Variants in SETD3 observed in about 807,000 individuals in gnomAD.
SETD3 encodes the protein actin-histidine N-methyltransferase.
SETD3 carries 19 observed loss-of-function variants against 63.0 expected under a neutral mutation model. The observed-to-expected ratio is 0.30, with a 90% CI of 0.21 to 0.44. The LOEUF (loss-of-function observed/expected upper bound fraction) is 0.44. SETD3 is among the 20% of genes least tolerant of loss of function. SETD3 has a pLI of 1.00. For missense variants in SETD3, 587 were observed against 728.5 expected (o/e 0.81, Z 2.24); for synonymous variants, 286 against 264.1 (o/e 1.08, Z -0.80).
Position 99,398,769 on chromosome 14 carries a change from G to A in SETD3, c.1695C>T (p.Ser565=), listed in dbSNP as rs866522970. The A allele has an allele frequency of 9.9e-6, 16 of 1,613,964 alleles. No individual in the cohort carries two copies. The highest frequency in any genetic ancestry group is 5.3e-5 in the African/African-American group (4 of 74,878). Reference sequence around the variant, plus strand: ...TTTCTTGATTGAGACTTTCATTTTCGGACCTGGTCCCATTAGGGATAGAGT... The same window carrying A: ...TTTCTTGATTGAGACTTTCATTTTCAGACCTGGTCCCATTAGGGATAGAGT... ...GENSIPNGTR[S]ENESLNQESK... The change falls in exon 13 of 13, where the codon TCC becomes TCT. Residue 565 remains serine (S), a synonymous_variant. Coordinates refer to ENST00000331768, the MANE Select transcript of SETD3 (RefSeq NM_032233.3).
At chr14:99,431,857 GC>G (rs1673767977) in intron 6 of SETD3, among the ~76,000 whole-genome samples, 1 of 152,100 alleles carries the variant, frequency 6.6e-6, no homozygotes, top group Non-Finnish European at 1.5e-5. Flanking sequence ...CAAAGCAACT[GC>G]CATCCCACAA....
At chr14:99,444,456 T>A (rs1197526133) in intron 6 of SETD3, 1 of 152,146 alleles carries the variant, frequency 6.6e-6, no homozygotes, top group Admixed American at 6.5e-5. Flanking sequence ...ATTAACACAT[T>A]TCATAGTTTC....
chr14:99,398,946 G>C lies in SETD3; in HGVS notation c.1518C>G (p.Asn506Lys). ...CCACGCTGCTCTCCAACAGCCCAAG[G>C]TTACTCTCTTCATATTTGGGAAGCG... ...KAPLPKYEES[N>K]LGLLESSVGD... Residue 506 changes from asparagine (N) to lysine (K), a missense_variant, in exon 13 of 13, where the codon AAC becomes AAG. Transcript: ENST00000331768. 1 of 1,614,022 alleles carries C rather than the reference G, an allele frequency of 6.2e-7. No homozygotes were observed. The highest frequency in any genetic ancestry group is 8.5e-7 in the Non-Finnish European group (1 of 1,179,938).
chr14:99,453,620 T>C (rs890408768), intron 6 of SETD3, among the ~76,000 whole-genome samples: 2 of 151,954 alleles, frequency 1.3e-5, no homozygotes, highest in African/African-American at 4.8e-5. Context: ...AGATCAGGAG[T>C]TCGAGACTAG....
Position 99,398,411 on chromosome 14 carries a change from T to A in SETD3, c.*268A>T, listed in dbSNP as rs529297352. The A allele has an allele frequency of 2.3e-6, 1 of 427,978 alleles. No individual in the cohort carries two copies. Among genetic ancestry groups the A allele is most frequent in the Non-Finnish European group, 4.2e-6 (1 of 238,868 alleles). 26.5% of individuals were successfully genotyped at this position (427,978 alleles called of 1,614,324 possible). On this transcript the variant is annotated 3_prime_UTR_variant, in exon 13 of 13. Transcript: ENST00000331768. ...AGAAAATACCTATACCCACAATAGG[T>A]CTGCAAAATCTCCCACAGGCACCTC...
At chr14:99,434,356 A>G (rs1893350406) in intron 6 of SETD3, among the ~76,000 whole-genome samples, 1 of 152,194 alleles carries the variant, frequency 6.6e-6, no homozygotes, top group Admixed American at 6.5e-5. Context: ...AAGCACCCAA[A>G]GGCCTTAGAA....
At chr14:99,478,285 A>C (rs1256127296) in intron 1 of SETD3, among the ~76,000 whole-genome samples, 1 of 152,254 alleles carries the variant, frequency 6.6e-6, no homozygotes, top group African/African-American at 2.4e-5. Context: ...TTGAGGGAAC[A>C]AAGTCACCAC....
intron 6 of SETD3, among the ~76,000 whole-genome samples, chr14:99,417,090 T>TA (rs1278643360): frequency 6.6e-6 from 1 of 152,254 alleles, no homozygotes; most frequent in East Asian, 1.9e-4. Flanking sequence ...GTCTGGTAGC[T>TA]ATGCTTAAGG....
chr14:99,402,650 T>G (rs1595140154), intron 11 of SETD3, among the ~76,000 whole-genome samples: 1 of 152,044 alleles, frequency 6.6e-6, no homozygotes, highest in South Asian at 2.1e-4. Flanking sequence ...GGGGTTGGCT[T>G]ACTGTAGCCT....
intron 6 of SETD3, among the ~76,000 whole-genome samples, chr14:99,447,949 G>A (rs1894229924): frequency 1.3e-5 from 2 of 152,216 alleles, no homozygotes; most frequent in African/African-American, 2.4e-5. Flanking sequence ...TCCTCAGTCA[G>A]CAGGGCCACA....
chr14:99,449,666 G>T (rs1006125485), intron 6 of SETD3, among the ~76,000 whole-genome samples: 1 of 152,168 alleles, frequency 6.6e-6, no homozygotes, highest in African/African-American at 2.4e-5. Context: ...CGGGATTCTG[G>T]AAGGGAAAAA....
chr14:99,481,831 C>T (rs1450148144), upstream of SETD3, among the ~76,000 whole-genome samples: 2 of 152,386 alleles, frequency 1.3e-5, no homozygotes, highest in African/African-American at 4.8e-5. Flanking sequence ...CTTCTCATAT[C>T]TCCCCGATTA....
chr14:99,434,196 T>C (rs1486708196), intron 6 of SETD3, among the ~76,000 whole-genome samples: 1 of 152,144 alleles, frequency 6.6e-6, no homozygotes, highest in East Asian at 1.9e-4. Flanking sequence ...GGTACATTCA[T>C]ACAGTGAGAA....
intron 6 of SETD3, among the ~76,000 whole-genome samples, chr14:99,447,787 C>G (rs1372679776): frequency 2.6e-5 from 4 of 152,178 alleles, no homozygotes; most frequent in Non-Finnish European, 5.9e-5. Context: ...TTCCTCATAG[C>G]TTGGGGGAAA....
At chr14:99,476,953 T>C (rs1896003219) in intron 1 of SETD3, among the ~76,000 whole-genome samples, 1 of 152,210 alleles carries the variant, frequency 6.6e-6, no homozygotes, top group Admixed American at 6.5e-5. Flanking sequence ...ACAATTTTTT[T>C]TGTCCTTCTA....
chr14:99,461,555 G>A (rs187702916), intron 3 of SETD3, among the ~76,000 whole-genome samples: 257 of 152,296 alleles, frequency 1.7e-3, no homozygotes, highest in Admixed American at 3.9e-3. Context: ...GTCAGTTACA[G>A]TGAAATATAT....
chr14:99,455,274 C>G (rs1480042618), intron 6 of SETD3, among the ~76,000 whole-genome samples: 1 of 152,190 alleles, frequency 6.6e-6, no homozygotes, highest in African/African-American at 2.4e-5. Flanking sequence ...CCAGCTAACA[C>G]GGAGAACTGA....
At chr14:99,480,438 G>A (rs1896231543) in intron 1 of SETD3, among the ~76,000 whole-genome samples, 3 of 151,640 alleles carry the variant, frequency 2.0e-5, no homozygotes. Context: ...GGGCGCCAGA[G>A]GGGACAGGGC....
intron 6 of SETD3, among the ~76,000 whole-genome samples, chr14:99,422,666 C>G (rs571429374): frequency 6.6e-6 from 1 of 152,172 alleles, no homozygotes; most frequent in African/African-American, 2.4e-5. Flanking sequence ...CAGCCACATT[C>G]TCAAAGAGCA....
Sources: gnomAD v4.1 joint callset for allele counts (sites outside exome capture counted in the v4.1 genomes callset) on GRCh38, gnomAD v4.1.1 for gene constraint, MANE v1.5 for transcripts, NCBI Gene and HGNC (gene_info 2026-07-23, HGNC 2026-07-21) for gene names.